PLXNB1: variants seen among roughly 807,000 people sequenced by gnomAD.
PLXNB1 encodes the protein plexin B1.
PLXNB1 carries 106 observed loss-of-function variants against 209.4 expected under a neutral mutation model. The observed-to-expected ratio is 0.51, with a 90% CI of 0.43 to 0.59. PLXNB1 has a LOEUF of 0.59. PLXNB1 is among the 20% of genes least tolerant of loss of function. PLXNB1 has a pLI of 0.00. For missense variants in PLXNB1, 2,357 were observed against 2,853.2 expected (o/e 0.83, Z 3.96); for synonymous variants, 1,167 against 1,183.2 (o/e 0.99, Z 0.28).
Position 48,416,752 on chromosome 3 carries a change from C to T in PLXNB1, c.3375-301G>A, listed in dbSNP as rs1347929345. 7.7e-6 allele frequency: 2 copies of T among 261,186 alleles called. No homozygotes were observed. The highest frequency in any genetic ancestry group is 1.4e-5 in the Non-Finnish European group (2 of 139,226). 16.2% of individuals were successfully genotyped at this position (261,186 alleles called of 1,614,324 possible). ...GGGCCCTGTCAGCCTGGTTGTGGGGCGAGCTGCTGAGCAAGTGAGTGGGCA... is the reference window on the plus strand; with the variant it reads ...GGGCCCTGTCAGCCTGGTTGTGGGGTGAGCTGCTGAGCAAGTGAGTGGGCA... On this transcript the variant is annotated intron_variant, in intron 16 of 37. Coordinates refer to ENST00000296440, the MANE Select transcript of PLXNB1 (RefSeq NM_001130082.3). The surrounding 1 kb of genome is among the most constrained non-coding windows in gnomAD (Gnocchi z 4.1).
rs1157006147 is a variant in PLXNB1 at position 48,418,361 on chromosome 3, C to T, written c.3052G>A (p.Val1018Ile). 8.1e-6 allele frequency: 13 copies of T among 1,613,666 alleles called. 1 individual carries two copies. Among genetic ancestry groups the T allele is most frequent in the Non-Finnish European group, 9.3e-6 (11 of 1,180,030 alleles). ...TGTCCCACGGAACAGTCATACAGTA[C>T]CACTGGGGGTGGCAGAGACACACGT... The part of the protein sequence containing the change: ...RVDSAEGLHV[V>I]LYDCSVGHGD... The change falls in exon 15 of 38, where the codon GTA (valine) becomes ATA (isoleucine). Residue 1018 changes from valine to isoleucine, a missense_variant and splice_region_variant. Transcript: ENST00000296440. This position sits in a 1 kb window ranked among gnomAD's most constrained non-coding sequence, Gnocchi z 6.6.
Position 48,419,552 on chromosome 3 carries a change from G to A in PLXNB1, c.2709+25C>T, listed in dbSNP as rs779591165. The A allele has an allele frequency of 3.2e-6, 5 of 1,585,454 alleles. No individual in the cohort carries two copies. In the South Asian group the frequency reaches 4.5e-5, roughly 14 times the overall value. Reference sequence around the variant, plus strand: ...TCTTCCCCACATCCCCTCCCCTGAGGCCTCCTTCCTGGGCTGGGCCTCACC... The same window carrying A: ...TCTTCCCCACATCCCCTCCCCTGAGACCTCCTTCCTGGGCTGGGCCTCACC... On this transcript the variant is annotated intron_variant, in intron 11 of 37. Coordinates refer to ENST00000296440, the MANE Select transcript of PLXNB1 (RefSeq NM_001130082.3). This position sits in a 1 kb window ranked among gnomAD's most constrained non-coding sequence, Gnocchi z 5.7.
chr3:48,425,972 CAT>C (rs1433265856), intron 1 of PLXNB1, among the ~76,000 whole-genome samples: 1 of 152,154 alleles, frequency 6.6e-6, no homozygotes, highest in Non-Finnish European at 1.5e-5. Context: ...ACTGCAGGCA[CAT>C]ATGTCACACT....
rs112081704 is a variant in PLXNB1, at chr3:48,411,825, G to A, written c.5247+38C>T. The A allele has an allele frequency of 9.2e-4, 1,483 of 1,606,288 alleles. 11 individuals carry two copies. In the African/African-American group the frequency reaches 0.015, roughly 16 times the overall value. On this transcript the variant is annotated intron_variant, in intron 28 of 37. Transcript: ENST00000296440. The surrounding 1 kb of genome is among the most constrained non-coding windows in gnomAD (Gnocchi z 4.0). ...CACACTCTCCACCCTCGCCCTCACC[G>A]CACTCAGACTGCAGGCCACACACTT... is the stretch of plus-strand genomic sequence containing the variant.
chr3:48,411,867 G>C lies in PLXNB1; in HGVS notation c.5243C>G (p.Pro1748Arg). Residue 1748 changes from proline (P) to arginine (R), a missense_variant, in exon 28 of 38, where the codon CCC (proline) becomes CGC (arginine). Physicochemically the swap from Pro to Arg is moderately radical, Grantham distance 103. Coordinates refer to ENST00000296440, the MANE Select transcript of PLXNB1 (RefSeq NM_001130082.3). This position sits in a 1 kb window ranked among gnomAD's most constrained non-coding sequence, Gnocchi z 4.0. ...RLLREDVEYR[P>R]LTLNALLAVG... ...CACACACTTGCACACCCTCACCAGG[G>C]GACGGTACTCCACATCCTCTCTGAG... is the stretch of plus-strand genomic sequence containing the variant. The C allele has an allele frequency of 6.2e-7, 1 of 1,613,874 alleles. No individual in the cohort carries two copies. The highest frequency in any genetic ancestry group is 8.5e-7 in the Non-Finnish European group (1 of 1,179,938).
At position 48,415,178 on chromosome 3, in the gene PLXNB1, G is replaced by A; in HGVS notation, c.3964C>T (p.Gln1322Ter). ...GGGGGTACCCAAGGGTGTCCTACTT[G>A]CTGGCTACTGCAGGAGGGTCCAAGG... ...CSLGPSCSSQ[Q>*]FEEPCHVNSS... Residue 1322 changes from glutamine to a stop codon, truncating the protein, a stop_gained and splice_region_variant, in exon 20 of 38, where the codon CAA (glutamine) becomes TAA (stop). Transcript: ENST00000296440. LOFTEE classifies it high-confidence loss of function. This position sits in a 1 kb window ranked among gnomAD's most constrained non-coding sequence, Gnocchi z 5.0. 1 of 1,610,990 alleles carries A rather than the reference G, an allele frequency of 6.2e-7. No homozygotes were observed. The highest frequency in any genetic ancestry group is 8.5e-7 in the Non-Finnish European group (1 of 1,177,876).
chr3:48,419,999 TG>T lies in PLXNB1; in HGVS notation c.2286del (p.Ser763AlafsTer35). The part of the protein sequence containing the change: ...GSPLHEEPSP[P>X]SPQNGPGTAV... ...GCGGTTCCAGGTCCATTTTGGGGGC[TG>T]GGAGGGGAGGGCTCCTCATGGAGAG... On this transcript the variant is annotated frameshift_variant, in exon 11 of 38. Coordinates refer to ENST00000296440, the MANE Select transcript of PLXNB1 (RefSeq NM_001130082.3). LOFTEE classifies it high-confidence loss of function. This position sits in a 1 kb window ranked among gnomAD's most constrained non-coding sequence, Gnocchi z 5.7. 6.3e-7 allele frequency: 1 copy of T among 1,575,520 alleles called. No individual in the cohort carries two copies. Among genetic ancestry groups the T allele is most frequent in the Admixed American group, 1.7e-5 (1 of 58,300 alleles).
At position 48,404,244 on chromosome 3, in the gene PLXNB1, C is replaced by T. The variant is rs190601958; in HGVS notation, c.*242G>A. 1.4e-5 allele frequency: 7 copies of T among 517,676 alleles called. No individual in the cohort carries two copies. The highest frequency in any genetic ancestry group is 6.4e-5 in the East Asian group (2 of 31,454). The allele number at this position is 517,676 out of a possible 1,614,324, so 32.1% of individuals were successfully genotyped here. A position where few individuals can be genotyped will look rare whatever the true frequency, so the allele number is the denominator to read the frequency against. Reference sequence around the variant, plus strand: ...CCTTAGTCCCCAACTCCCTGCAGACCGGTGTCACAGGGTCGCTGGACTCGG... The same window carrying T: ...CCTTAGTCCCCAACTCCCTGCAGACTGGTGTCACAGGGTCGCTGGACTCGG... On this transcript the variant is annotated 3_prime_UTR_variant, in exon 38 of 38. Coordinates refer to ENST00000296440, the MANE Select transcript of PLXNB1 (RefSeq NM_001130082.3).
rs751904066 is a variant in PLXNB1 at position 48,420,962 on chromosome 3, GA to G, written c.1811-7del. 8 of 1,605,242 alleles carry G rather than the reference GA, an allele frequency of 5.0e-6. No individual in the cohort carries two copies. The highest frequency in any genetic ancestry group is 6.0e-6 in the Non-Finnish European group (7 of 1,172,574). On this transcript the variant is annotated splice_polypyrimidine_tract_variant and splice_region_variant and intron_variant, in intron 8 of 37. Coordinates refer to ENST00000296440, the MANE Select transcript of PLXNB1 (RefSeq NM_001130082.3). ...CACGCTCACGGATACGTAGTCTGCA[GA>G]GGGGGAGAGAGGGCCAGGGTTAAGC...
In PLXNB1 at chr3:48,410,130, C is replaced by A; in HGVS notation, c.5606-53G>T. The A allele has an allele frequency of 6.6e-7, 1 of 1,523,850 alleles. No homozygotes were observed. Among genetic ancestry groups the A allele is most frequent in the South Asian group, 1.3e-5 (1 of 78,816 alleles). The allele number at this position is 1,523,850 out of a possible 1,614,324, so 94.4% of individuals were successfully genotyped here. A position where few individuals can be genotyped will look rare whatever the true frequency, so the allele number is the denominator to read the frequency against. On this transcript the variant is annotated intron_variant, in intron 31 of 37. Coordinates refer to ENST00000296440, the MANE Select transcript of PLXNB1 (RefSeq NM_001130082.3). This position sits in a 1 kb window ranked among gnomAD's most constrained non-coding sequence, Gnocchi z 6.4. ...CCTCCCCAGGTGCCACCTCCCCAGG[C>A]CCCCTGTTTCTTGCCAGCTCTCCCA...
rs2038102323 is a variant in PLXNB1, at chr3:48,416,374, C to T, written c.3452G>A (p.Gly1151Asp). ...TAVEVPGRGRGVSEHDFAYQD... is the reference protein window; with the variant it reads ...TAVEVPGRGRDVSEHDFAYQD... The stretch of plus-strand genomic sequence containing the variant: ...GTAGGCAAAGTCGTGTTCTGAGACA[C>T]CACGTCCTCTTCCCGGCACCTCCAC... Residue 1151 changes from glycine to aspartate, a missense_variant, in exon 17 of 38, where the codon GGT becomes GAT. This residue lies in a region of PLXNB1 where 743 missense variants were observed against 896.2 expected (regional missense o/e 0.83). Transcript: ENST00000296440. This position sits in a 1 kb window ranked among gnomAD's most constrained non-coding sequence, Gnocchi z 4.1. 6.2e-7 allele frequency: 1 copy of T among 1,612,990 alleles called. No individual in the cohort carries two copies. Among genetic ancestry groups the T allele is most frequent in the Non-Finnish European group, 8.5e-7 (1 of 1,179,806 alleles).
Position 48,413,554 on chromosome 3 carries a change from T to C in PLXNB1, c.4535+116A>G. 8.6e-7 allele frequency: 1 copy of C among 1,160,480 alleles called. No individual in the cohort carries two copies. The highest frequency in any genetic ancestry group is 1.2e-6 in the Non-Finnish European group (1 of 839,676). 71.9% of individuals were successfully genotyped at this position (1,160,480 alleles called of 1,614,324 possible). A position where few individuals can be genotyped will look rare whatever the true frequency, so the allele number is the denominator to read the frequency against. On this transcript the variant is annotated intron_variant, in intron 23 of 37. Transcript: ENST00000296440. This position sits in a 1 kb window ranked among gnomAD's most constrained non-coding sequence, Gnocchi z 5.4. ...CCACTTGGCCTGCAAAGCGAAAATA[T>C]TTACTCTCTGGCCATTTACAGAGAA...
intron 1 of PLXNB1, among the ~76,000 whole-genome samples, chr3:48,427,260 A>AGGCCACTGAGGAGGTC (rs2038942221): frequency 6.6e-6 from 1 of 151,712 alleles, no homozygotes; most frequent in African/African-American, 2.4e-5. Context: ...GCTCCTGGCC[A>AGGCCACTGAGGAGGTC]GGCCACTGAG....
intron 1 of PLXNB1, among the ~76,000 whole-genome samples, chr3:48,426,356 A>G (rs1453368844): frequency 6.6e-6 from 1 of 152,226 alleles, no homozygotes; most frequent in African/African-American, 2.4e-5. Flanking sequence ...CAGGAGCACC[A>G]AGGTTGGTGA....
rs1692870549 is a variant in PLXNB1 at position 48,404,304 on chromosome 3, G to T, written c.*182C>A. 7.7e-5 allele frequency: 45 copies of T among 582,622 alleles called. No individual in the cohort carries two copies. The South Asian group carries it at 9.5e-4, about 12-fold the overall frequency. The allele number at this position is 582,622 out of a possible 1,614,324, so 36.1% of individuals were successfully genotyped here. On this transcript the variant is annotated 3_prime_UTR_variant, in exon 38 of 38. Transcript: ENST00000296440. ...TGGGTACTACCCCATGAGCCTTGAG[G>T]CCCCGGGTCTAGGAGGTGGATCCAG...
chr3:48,409,531 C>T lies in PLXNB1; in HGVS notation c.5939+40G>A, dbSNP rs775908735. On this transcript the variant is annotated intron_variant, in intron 33 of 37. Coordinates refer to ENST00000296440, the MANE Select transcript of PLXNB1 (RefSeq NM_001130082.3). This position sits in a 1 kb window ranked among gnomAD's most constrained non-coding sequence, Gnocchi z 5.8. ...TGTGCTGGGGAGGCAGAAGAGAAGA[C>T]CCCCCACACACACCTAGAGCCCACC... 2 of 1,613,572 alleles carry T rather than the reference C, an allele frequency of 1.2e-6. No homozygotes were observed. The highest frequency in any genetic ancestry group is 1.1e-5 in the South Asian group (1 of 91,056).
Position 48,412,540 on chromosome 3 carries a change from C to T in PLXNB1, c.4935G>A (p.Leu1645=). 1 of 1,613,668 alleles carries T rather than the reference C, an allele frequency of 6.2e-7. No individual in the cohort carries two copies. The highest frequency in any genetic ancestry group is 8.5e-7 in the Non-Finnish European group (1 of 1,180,044). The change falls in exon 26 of 38, where the codon CTG becomes CTA. Residue 1645 remains leucine, a synonymous_variant. Coordinates refer to ENST00000296440, the MANE Select transcript of PLXNB1 (RefSeq NM_001130082.3). ...AYVASLLTVA[L]HGKLEYFTDI... ...CAGTGAAATACTCAAGCTTCCCATG[C>T]AGTGCCACGGTGAGCAGAGATGCCA...
In PLXNB1 at chr3:48,421,824, T is replaced by G; in HGVS notation, c.1521-18A>C. 1 of 1,589,756 alleles carries G rather than the reference T, an allele frequency of 6.3e-7. No individual in the cohort carries two copies. Among genetic ancestry groups the G allele is most frequent in the African/African-American group, 1.3e-5 (1 of 74,530 alleles). Reference sequence around the variant, plus strand: ...GACTGCACCTGGGCGAGATGACCAGTGTCTATCTGTGACCCTCATGGGCCA... The same window carrying G: ...GACTGCACCTGGGCGAGATGACCAGGGTCTATCTGTGACCCTCATGGGCCA... On this transcript the variant is annotated intron_variant, in intron 6 of 37. Coordinates refer to ENST00000296440, the MANE Select transcript of PLXNB1 (RefSeq NM_001130082.3).
In PLXNB1 at chr3:48,414,935, T is replaced by C; in HGVS notation, c.4073A>G (p.Asp1358Gly). The change falls in exon 21 of 38, where the codon GAC becomes GGC. Residue 1358 changes from aspartate to glycine, a missense_variant. This residue lies in a region of PLXNB1 where 743 missense variants were observed against 896.2 expected (regional missense o/e 0.83). Coordinates refer to ENST00000296440, the MANE Select transcript of PLXNB1 (RefSeq NM_001130082.3). Reference protein sequence around the residue: ...DPWVRVEFILDNLVFDFATLN... With the variant: ...DPWVRVEFILGNLVFDFATLN... ...TGTTGCAAAGTCAAAGACCAGGTTG[T>C]CAAGGATAAATTCCACCCGGACCCA... 6.2e-7 allele frequency: 1 copy of C among 1,613,942 alleles called. No homozygotes were observed. The highest frequency in any genetic ancestry group is 8.5e-7 in the Non-Finnish European group (1 of 1,180,034).
Sources: allele counts gnomAD v4.1 joint callset (sites outside exome capture counted in the v4.1 genomes callset), GRCh38; gene constraint gnomAD v4.1.1; regional missense constraint gnomAD v4.1.1; non-coding constraint Gnocchi (gnomAD v3.1); transcripts MANE v1.5; gene names NCBI Gene and HGNC (gene_info 2026-07-23, HGNC 2026-07-21).